Variants in MSANTD1 observed in about 807,000 individuals in gnomAD.
MSANTD1 encodes the protein myb/SANT-like DNA-binding domain-containing protein 1.
MSANTD1 carries 7 observed loss-of-function variants against 24.2 expected under a neutral mutation model. The ratio of observed to expected loss-of-function variants is 0.29; its 90% CI spans 0.16 to 0.54. The LOEUF (loss-of-function observed/expected upper bound fraction) is 0.54. MSANTD1 is among the 20% of genes least tolerant of loss of function. The probability of loss-of-function intolerance (pLI) is 0.94; values close to 1 mark genes in which losing one functional copy is unlikely to be tolerated. For synonymous variants in MSANTD1, 177 were observed against 181.1 expected, an observed-to-expected ratio of 0.98 and a Z score of 0.18; for missense variants, 384 against 408.2, an observed-to-expected ratio of 0.94 and a Z score of 0.51.
Position 3,249,160 on chromosome 4 carries a change from G to A in MSANTD1, c.-63G>A. ...CTTTTAACTAAATTCCTGCCTGTCA[G>A]ATGTAGGCCCCATTTTGAGCGTGGA... On this transcript the variant is annotated 5_prime_UTR_variant, in exon 1 of 3. Transcript: ENST00000438480. The A allele has an allele frequency of 7.6e-7, 1 of 1,312,500 alleles. No homozygotes were observed. The highest frequency in any genetic ancestry group is 9.7e-7 in the Non-Finnish European group (1 of 1,025,984). The allele number at this position is 1,312,500 out of a possible 1,614,324, so 81.3% of individuals were successfully genotyped here.
chr4:3,255,026 C>A (rs74689895), intron 2 of MSANTD1, among the ~76,000 whole-genome samples: 1 of 152,200 alleles, frequency 6.6e-6, no homozygotes, highest in Non-Finnish European at 1.5e-5. Flanking sequence ...GGTCTCTCCA[C>A]CCCTGGCCCC....
At chr4:3,255,655 G>A in intron 2 of MSANTD1, 70 bp from the exon 3 acceptor site, 5 of 1,439,884 alleles carry the variant, frequency 3.5e-6, no homozygotes, top group Non-Finnish European at 4.6e-6. Flanking sequence ...TTGTCGGGAG[G>A]GTCCGGTGAG....
Position 3,250,144 on chromosome 4 carries a change from C to T in MSANTD1, c.320+602C>T, listed in dbSNP as rs1040491058. 2.0e-4 allele frequency among the ~76,000 whole-genome samples: 30 copies of T among 152,222 alleles called. 1 individual carries two copies. Among genetic ancestry groups the T allele is most frequent in the African/African-American group, 7.0e-4 (29 of 41,542 alleles). ...CACGGTGGGGTATTTCCAGAAATCA[C>T]CAGGTGAGGTGCAGGACCAGCCAGC... On this transcript the variant is annotated intron_variant, in intron 1 of 2. Transcript: ENST00000438480.
At position 3,256,125 on chromosome 4, in the gene MSANTD1, G is replaced by A. The variant is rs1453619221; in HGVS notation, c.*160G>A. On this transcript the variant is annotated 3_prime_UTR_variant, in exon 3 of 3. Coordinates refer to ENST00000438480, the MANE Select transcript of MSANTD1 (RefSeq NM_001042690.2). ...GGATGTCCCTTCTGAGGGGTATTTT[G>A]AGGAACCCCCAGGCCCTGGGGACCG... 2 of 891,156 alleles carry A rather than the reference G, an allele frequency of 2.2e-6. No individual in the cohort carries two copies. The highest frequency in any genetic ancestry group is 7.3e-5 in the Admixed American group (2 of 27,518). 55.2% of individuals were successfully genotyped at this position (891,156 alleles called of 1,614,324 possible).
At chr4:3,246,081 T>C (rs1722017859), upstream of MSANTD1, among the ~76,000 whole-genome samples, 1 of 152,144 alleles carries the variant, frequency 6.6e-6, no homozygotes, top group Non-Finnish European at 1.5e-5. Flanking sequence ...CGCCCAACCT[T>C]CTACCCTGCC....
At position 3,255,711 on chromosome 4, in the gene MSANTD1, C is replaced by A; in HGVS notation, c.597-14C>A. The A allele has an allele frequency of 6.6e-7, 1 of 1,525,636 alleles. No homozygotes were observed. Among genetic ancestry groups the A allele is most frequent in the South Asian group, 1.2e-5 (1 of 81,180 alleles). The allele number at this position is 1,525,636 out of a possible 1,614,324, so 94.5% of individuals were successfully genotyped here. The stretch of plus-strand genomic sequence containing the variant: ...CTGTGGCCAGCACGTCCACAGCCGG[C>A]ACTGTCCTTCCAGGTCGGAGGAGCG... On this transcript the variant is annotated splice_polypyrimidine_tract_variant and intron_variant, in intron 2 of 2. Transcript: ENST00000438480.
At position 3,256,369 on chromosome 4, in the gene MSANTD1, C is replaced by G. The variant is rs144642290; in HGVS notation, c.*404C>G. ...TGAGGATGCCCTGATTGATGGATCC[C>G]GAAAATGAAAGCAGATGGAAACGGG... On this transcript the variant is annotated 3_prime_UTR_variant, in exon 3 of 3. Coordinates refer to ENST00000438480, the MANE Select transcript of MSANTD1 (RefSeq NM_001042690.2). The G allele has an allele frequency of 6.5e-6, 1 of 155,014 alleles. No individual in the cohort carries two copies. Among genetic ancestry groups the G allele is most frequent in the Non-Finnish European group, 1.4e-5 (1 of 69,850 alleles). The allele number at this position is 155,014 out of a possible 1,614,324, so 9.6% of individuals were successfully genotyped here. A position where few individuals can be genotyped will look rare whatever the true frequency, so the allele number is the denominator to read the frequency against.
At chr4:3,248,067 C>T (rs1197154203), upstream of MSANTD1, 3 of 152,364 alleles carry the variant, frequency 2.0e-5, no homozygotes, top group South Asian at 2.1e-4. Context: ...GCCTGGGCAC[C>T]GCGCCCAGCA....
chr4:3,249,600 C>A (rs979595962), intron 1 of MSANTD1, 58 bp downstream of exon 1: 5 of 1,487,244 alleles, frequency 3.4e-6, no homozygotes, highest in Admixed American at 4.1e-5. Flanking sequence ...CGTGGCGGGC[C>A]GCTCCTGACT....
intron 2 of MSANTD1, among the ~76,000 whole-genome samples, chr4:3,254,120 G>A (rs1722315778): frequency 1.3e-5 from 2 of 152,202 alleles, no homozygotes; most frequent in Non-Finnish European, 2.9e-5. Flanking sequence ...CCCAGAGAAG[G>A]TGCTTTTGAG....
chr4:3,256,136 A>G lies in MSANTD1; in HGVS notation c.*171A>G, dbSNP rs1722386249. 2 of 770,176 alleles carry G rather than the reference A, an allele frequency of 2.6e-6. No individual in the cohort carries two copies. The highest frequency in any genetic ancestry group is 3.8e-6 in the Non-Finnish European group (2 of 523,912). 47.7% of individuals were successfully genotyped at this position (770,176 alleles called of 1,614,324 possible). A position where few individuals can be genotyped will look rare whatever the true frequency, so the allele number is the denominator to read the frequency against. On this transcript the variant is annotated 3_prime_UTR_variant, in exon 3 of 3. Transcript: ENST00000438480. The stretch of plus-strand genomic sequence containing the variant: ...CTGAGGGGTATTTTGAGGAACCCCC[A>G]GGCCCTGGGGACCGTGAGGCTCCAG...
rs771593466 is a variant in MSANTD1 at position 3,249,198 on chromosome 4, C to T, written c.-25C>T. The T allele has an allele frequency of 1.3e-4, 176 of 1,363,526 alleles. 1 individual carries two copies. Among genetic ancestry groups the T allele is most frequent in the Non-Finnish European group, 1.5e-4 (159 of 1,061,334 alleles). The allele number at this position is 1,363,526 out of a possible 1,614,324, so 84.5% of individuals were successfully genotyped here. On this transcript the variant is annotated 5_prime_UTR_variant, in exon 1 of 3. Coordinates refer to ENST00000438480, the MANE Select transcript of MSANTD1 (RefSeq NM_001042690.2). ...TTTTGAGCGTGGAGCTGCCTTCGAGCGAGCGTGAGCGGCGCCTCCCGCCCA... is the reference window on the plus strand; with the variant it reads ...TTTTGAGCGTGGAGCTGCCTTCGAGTGAGCGTGAGCGGCGCCTCCCGCCCA...
rs565126453 is a variant in MSANTD1 at position 3,255,750 on chromosome 4, C to A, written c.622C>A (p.Arg208Ser). The A allele has an allele frequency of 6.5e-7, 1 of 1,544,624 alleles. No individual in the cohort carries two copies. The highest frequency in any genetic ancestry group is 1.4e-5 in the African/African-American group (1 of 72,970). ...GTCGGAGGAGCGGCCGGTGAAGAAGCGCAAGGTGCAGAGCTGCCACCTGCA... is the reference window on the plus strand; with the variant it reads ...GTCGGAGGAGCGGCCGGTGAAGAAGAGCAAGGTGCAGAGCTGCCACCTGCA... ...FRSEERPVKKRKVQSCHLQKK... is the reference protein window; with the variant it reads ...FRSEERPVKKSKVQSCHLQKK... The change falls in exon 3 of 3, where the codon CGC becomes AGC. Residue 208 changes from arginine (R) to serine (S), a missense_variant. By Grantham distance (110) the Arg-to-Ser change is moderately radical. Transcript: ENST00000438480.
At chr4:3,245,610 A>T (rs1560613673), upstream of MSANTD1, among the ~76,000 whole-genome samples, 1 of 152,186 alleles carries the variant, frequency 6.6e-6, no homozygotes, top group Non-Finnish European at 1.5e-5. Flanking sequence ...CTGGTCCATG[A>T]GCACCGTGAC....
At chr4:3,254,375 C>T (rs1722323255) in intron 2 of MSANTD1, among the ~76,000 whole-genome samples, 1 of 152,232 alleles carries the variant, frequency 6.6e-6, no homozygotes, top group Admixed American at 6.5e-5. Context: ...AACGCTTTTG[C>T]TGGCAGCTAG....
At position 3,249,231 on chromosome 4, in the gene MSANTD1, T is replaced by TGGGGC. The variant is rs1432866530; in HGVS notation, c.10_14dup (p.Pro9ArgfsTer5). The stretch of plus-strand genomic sequence containing the variant: ...AGCGGCGCCTCCCGCCCATGGTGCG[T>TGGGGC]GGGGCCGGGCCGGGGCCCTCGCTGA... On this transcript the variant is annotated frameshift_variant, in exon 1 of 3. Coordinates refer to ENST00000438480, the MANE Select transcript of MSANTD1 (RefSeq NM_001042690.2). LOFTEE classifies it high-confidence loss of function. 10 of 1,412,402 alleles carry TGGGGC rather than the reference T, an allele frequency of 7.1e-6. No homozygotes were observed. The highest frequency in any genetic ancestry group is 3.0e-5 in the African/African-American group (2 of 67,130). 87.5% of individuals were successfully genotyped at this position (1,412,402 alleles called of 1,614,324 possible). A position where few individuals can be genotyped will look rare whatever the true frequency, so the allele number is the denominator to read the frequency against.
At chr4:3,253,604 C>A in intron 2 of MSANTD1, 122 bp downstream of exon 2, 1 of 1,054,276 alleles carries the variant, frequency 9.5e-7, no homozygotes, top group Non-Finnish European at 1.3e-6. Flanking sequence ...GCCGTGGCTG[C>A]GGGCAGCGCC....
chr4:3,250,304 C>A (rs886153710), intron 1 of MSANTD1, among the ~76,000 whole-genome samples: 5 of 152,224 alleles, frequency 3.3e-5, no homozygotes, highest in African/African-American at 1.2e-4. Context: ...CCTGCCCTGG[C>A]AACCTGCAGG....
rs566218665 is a variant in MSANTD1 at position 3,255,892 on chromosome 4, A to T, written c.764A>T (p.Gln255Leu). The T allele has an allele frequency of 1.2e-5, 18 of 1,545,684 alleles. No homozygotes were observed. Among genetic ancestry groups the T allele is most frequent in the Non-Finnish European group, 1.5e-5 (17 of 1,146,278 alleles). Residue 255 changes from glutamine (Q) to leucine (L), a missense_variant, in exon 3 of 3, where the codon CAG becomes CTG. Coordinates refer to ENST00000438480, the MANE Select transcript of MSANTD1 (RefSeq NM_001042690.2). ...RRVLDQQHIL[Q>L]VQSLQLQERM... ...GTGCTGGACCAGCAGCACATCCTGC[A>T]GGTGCAGAGCCTGCAGCTGCAGGAG...
Sources: gnomAD v4.1 joint callset for allele counts (sites outside exome capture counted in the v4.1 genomes callset) on GRCh38, gnomAD v4.1.1 for gene constraint, MANE v1.5 for transcripts, NCBI Gene and HGNC (gene_info 2026-07-23, HGNC 2026-07-21) for gene names.